The following PATJ variants were observed in gnomAD, a reference collection of about 807,000 sequenced individuals.
PATJ encodes the protein inaD-like protein.
PATJ carries 190 observed loss-of-function variants against 224.9 expected under a neutral mutation model. The ratio of observed to expected loss-of-function variants is 0.84; its 90% CI spans 0.75 to 0.95. The LOEUF (loss-of-function observed/expected upper bound fraction) is 0.95. Ranked by LOEUF, PATJ falls within the 40% of genes least tolerant of loss-of-function variation. The pLI is 0.00. For missense variants in PATJ, 2,121 were observed against 2,270.3 expected (o/e 0.93, Z 1.34); for synonymous variants, 769 against 820.3 (o/e 0.94, Z 1.07).
intron 1 of PATJ, among the ~76,000 whole-genome samples, chr1:61,754,300 C>G (rs1481233544): frequency 6.6e-6 from 1 of 152,170 alleles, no homozygotes; most frequent in Non-Finnish European, 1.5e-5. Flanking sequence ...TTTCCTATGA[C>G]CATACCCTGA....
intron 41 of PATJ, 41 bp from the exon 42 acceptor site, chr1:62,148,243 C>T (rs745848057): frequency 2.2e-6 from 3 of 1,393,678 alleles, no homozygotes; most frequent in Non-Finnish European, 3.1e-6. Context: ...TAATTCTCCC[C>T]TTCTTTATAA....
At chr1:61,888,792 A>C (rs1669215835) in intron 22 of PATJ, among the ~76,000 whole-genome samples, 1 of 152,220 alleles carries the variant, frequency 6.6e-6, no homozygotes, top group South Asian at 2.1e-4. Flanking sequence ...TCAGAGAGGG[A>C]AGATATACTT....
intron 21 of PATJ, among the ~76,000 whole-genome samples, chr1:61,883,151 C>T (rs1351335034): frequency 5.9e-5 from 9 of 152,086 alleles, no homozygotes; most frequent in Admixed American, 3.3e-4. Context: ...AAAATACTAG[C>T]CTTTAATTTC....
chr1:62,092,100 A>C (rs1258591894), intron 33 of PATJ, among the ~76,000 whole-genome samples: 3 of 150,610 alleles, frequency 2.0e-5, no homozygotes, highest in Non-Finnish European at 1.5e-5. Context: ...ATTCAAGGCC[A>C]GGTGCAGTGG....
At chr1:62,091,229 A>T (rs1195808802) in intron 33 of PATJ, among the ~76,000 whole-genome samples, 1 of 152,278 alleles carries the variant, frequency 6.6e-6, no homozygotes, top group Admixed American at 6.5e-5. Flanking sequence ...ATTGCCAGAG[A>T]TCCCAGGCTA....
At chr1:61,878,316 G>A (rs1241750619) in intron 21 of PATJ, among the ~76,000 whole-genome samples, 3 of 152,108 alleles carry the variant, frequency 2.0e-5, no homozygotes, top group East Asian at 3.9e-4. Context: ...TATGGGAATG[G>A]AGGCCCTCAA....
In PATJ at chr1:62,038,020, G is replaced by C; in HGVS notation, c.4003G>C (p.Val1335Leu). The C allele has an allele frequency of 6.3e-7, 1 of 1,599,104 alleles. No homozygotes were observed. The highest frequency in any genetic ancestry group is 8.5e-7 in the Non-Finnish European group (1 of 1,171,656). ...TCAGATGGCCGTTACTCCCTTTCCA[G>C]TGCCATCAAGTTCTCCATCTTCTAT... ...VNQMAVTPFP[V>L]PSSSPSSIED... The change falls in exon 30 of 44, where the codon GTG becomes CTG. Residue 1335 changes from valine to leucine, a missense_variant. Val to Leu is a conservative substitution (Grantham distance 32). Transcript: ENST00000642238.
intron 16 of PATJ, among the ~76,000 whole-genome samples, chr1:61,831,792 A>T (rs891825670): frequency 1.2e-4 from 19 of 152,222 alleles, no homozygotes; most frequent in African/African-American, 4.6e-4. Context: ...AGAACTTAAA[A>T]CAGAACTACC....
At chr1:61,999,108 G>A (rs1645588333) in intron 28 of PATJ, among the ~76,000 whole-genome samples, 1 of 151,376 alleles carries the variant, frequency 6.6e-6, no homozygotes, top group Admixed American at 6.6e-5. Context: ...AAAAAAAATA[G>A]CGACAGGAAT....
intron 28 of PATJ, among the ~76,000 whole-genome samples, chr1:62,012,263 C>G (rs1437681369): frequency 6.6e-6 from 1 of 151,970 alleles, no homozygotes; most frequent in Non-Finnish European, 1.5e-5. Context: ...TGGGTATGCC[C>G]TAGGATTATA....
intron 21 of PATJ, among the ~76,000 whole-genome samples, chr1:61,881,955 G>A (rs56260551): frequency 0.065 from 9,845 of 152,074 alleles, 419 homozygotes; most frequent in Middle Eastern, 0.13. Context: ...TTTCTACTTC[G>A]GAAAACAGTA....
intron 27 of PATJ, among the ~76,000 whole-genome samples, chr1:61,988,404 G>A (rs989596534): frequency 4.6e-5 from 7 of 152,110 alleles, no homozygotes; most frequent in African/African-American, 1.7e-4. Flanking sequence ...CATCTTTACT[G>A]TAATGCATGT....
In PATJ at chr1:62,010,632, A is replaced by G. The variant is rs1646391626; in HGVS notation, c.3868-7224A>G. ...AGGATTTCATTCTTTGTTATGGCTG[A>G]ATATTATTCCATTGTGTATATATAC... On this transcript the variant is annotated intron_variant, in intron 28 of 43. Coordinates refer to ENST00000642238, the MANE Select transcript of PATJ (RefSeq NM_001350145.3). 2.0e-5 allele frequency among the ~76,000 whole-genome samples: 3 copies of G among 152,158 alleles called. No homozygotes were observed. The South Asian group carries it at 6.2e-4, about 32-fold the overall frequency.
At chr1:61,967,798 G>T (rs1462422705) in intron 27 of PATJ, among the ~76,000 whole-genome samples, 1 of 152,124 alleles carries the variant, frequency 6.6e-6, no homozygotes. Context: ...CTCTGCTGTT[G>T]CTTTTGCCTT....
intron 27 of PATJ, among the ~76,000 whole-genome samples, chr1:61,929,242 G>T (rs767631517): frequency 6.6e-6 from 1 of 152,200 alleles, no homozygotes; most frequent in Non-Finnish European, 1.5e-5. Flanking sequence ...TAGAAGGCCA[G>T]TATTTGCCCA....
intron 12 of PATJ, among the ~76,000 whole-genome samples, chr1:61,805,072 C>T (rs1349739580): frequency 2.0e-5 from 3 of 152,148 alleles, no homozygotes; most frequent in Non-Finnish European, 4.4e-5. Context: ...TAAATTAAAT[C>T]CTTCTATGTC....
intron 26 of PATJ, among the ~76,000 whole-genome samples, chr1:61,920,961 C>T (rs1471172921): frequency 2.0e-5 from 3 of 152,162 alleles, no homozygotes; most frequent in Admixed American, 2.0e-4. Flanking sequence ...CCGCCTCAGC[C>T]TCCCAAAGTG....
intron 14 of PATJ, among the ~76,000 whole-genome samples, chr1:61,809,391 T>C (rs111883765): frequency 0.046 from 6,974 of 150,910 alleles, 224 homozygotes; most frequent in East Asian, 0.11. Context: ...TATTTTCTTT[T>C]TTTTTTTTTT....
intron 14 of PATJ, among the ~76,000 whole-genome samples, chr1:61,816,996 C>T (rs1354782594): frequency 1.3e-5 from 2 of 152,178 alleles, no homozygotes; most frequent in African/African-American, 2.4e-5. Flanking sequence ...AATTATTATT[C>T]AGATACTGCT....
Sources: gnomAD v4.1 joint callset for allele counts (sites outside exome capture counted in the v4.1 genomes callset) on GRCh38, gnomAD v4.1.1 for gene constraint, MANE v1.5 for transcripts, NCBI Gene and HGNC (gene_info 2026-07-23, HGNC 2026-07-21) for gene names.